CNTN5: variants seen among roughly 807,000 people sequenced by gnomAD.
CNTN5 encodes the protein contactin-5.
Under a neutral mutation model 129.1 loss-of-function variants are expected in CNTN5, and 77 were observed. That is an observed-to-expected ratio of 0.60 (90% confidence interval 0.50 to 0.72). The LOEUF (loss-of-function observed/expected upper bound fraction) is 0.72, where lower values mean the gene tolerates loss of function less well. Ranked by LOEUF, CNTN5 falls within the 30% of genes least tolerant of loss-of-function variation. The pLI is 0.00. For synonymous variants in CNTN5, 509 were observed against 465.6 expected, an observed-to-expected ratio of 1.09 and a Z score of -1.20; for missense variants, 1,478 against 1,328.8, an observed-to-expected ratio of 1.11 and a Z score of -1.75.
At chr11:100,115,887 G>A (rs985748378) in intron 13 of CNTN5, among the ~76,000 whole-genome samples, 1 of 152,094 alleles carries the variant, frequency 6.6e-6, no homozygotes. Flanking sequence ...AGTGAGGTGT[G>A]CATGAAAGAA....
At chr11:99,806,178 C>G (rs1271359826) in intron 3 of CNTN5, among the ~76,000 whole-genome samples, 1 of 152,122 alleles carries the variant, frequency 6.6e-6, no homozygotes, top group African/African-American at 2.4e-5. Context: ...CACTGACTTT[C>G]TCCCTCCAAT....
At chr11:99,124,442 G>T (rs965815609) in intron 1 of CNTN5, among the ~76,000 whole-genome samples, 14 of 151,930 alleles carry the variant, frequency 9.2e-5, no homozygotes, top group African/African-American at 3.4e-4. Context: ...AGACTATGGG[G>T]TTTCTGTGTG....
intron 3 of CNTN5, among the ~76,000 whole-genome samples, chr11:99,782,456 TC>T (rs1010941204): frequency 6.0e-5 from 9 of 150,814 alleles, no homozygotes; most frequent in Non-Finnish European, 1.2e-4. Context: ...ATGCCTTTCT[TC>T]ACAGAATTGG....
chr11:100,093,447 T>TA (rs994339968), intron 13 of CNTN5, among the ~76,000 whole-genome samples: 29 of 151,958 alleles, frequency 1.9e-4, no homozygotes, highest in African/African-American at 6.8e-4. Context: ...ATTTTTTTTT[T>TA]ATACAGATGA....
At chr11:100,092,068 A>C (rs1324112236) in intron 13 of CNTN5, among the ~76,000 whole-genome samples, 1 of 151,846 alleles carries the variant, frequency 6.6e-6, no homozygotes, top group Non-Finnish European at 1.5e-5. Flanking sequence ...GACTACTTTC[A>C]TATTACTCAG....
intron 1 of CNTN5, among the ~76,000 whole-genome samples, chr11:99,032,816 G>T (rs1467473575): frequency 6.8e-6 from 1 of 147,506 alleles, no homozygotes; most frequent in Non-Finnish European, 1.5e-5. Context: ...CATTGCTTTT[G>T]GTGTTTTAGA....
At position 99,579,685 on chromosome 11, in the gene CNTN5, C is replaced by A. The variant is rs1313801223; in HGVS notation, c.55+23416C>A. On this transcript the variant is annotated intron_variant, in intron 3 of 24. Transcript: ENST00000524871. Reference sequence around the variant, plus strand: ...TGATTTTTGCACATTGATTTTGTATCCTGAGACTTTGCTGAAGTTGCTTAT... The same window carrying A: ...TGATTTTTGCACATTGATTTTGTATACTGAGACTTTGCTGAAGTTGCTTAT... 4.4e-5 allele frequency among the ~76,000 whole-genome samples: 6 copies of A among 136,954 alleles called. No homozygotes were observed. In the Admixed American group the frequency reaches 4.5e-4, roughly 10 times the overall value. 89.8% of individuals were successfully genotyped at this position (136,954 alleles called of 152,430 possible).
chr11:99,206,122 T>C (rs1259054446), intron 1 of CNTN5, among the ~76,000 whole-genome samples: 1 of 152,192 alleles, frequency 6.6e-6, no homozygotes, highest in African/African-American at 2.4e-5. Context: ...TTCCTAGAAA[T>C]GTCCTGTGTT....
chr11:100,109,725 C>T (rs961724803), intron 13 of CNTN5, among the ~76,000 whole-genome samples: 2 of 152,008 alleles, frequency 1.3e-5, no homozygotes, highest in Non-Finnish European at 2.9e-5. Flanking sequence ...ACGATTATGC[C>T]GATAATTGTT....
intron 3 of CNTN5, among the ~76,000 whole-genome samples, chr11:99,613,290 G>T (rs1165982944): frequency 6.6e-6 from 1 of 152,138 alleles, no homozygotes; most frequent in Non-Finnish European, 1.5e-5. Flanking sequence ...GCTCTCATGA[G>T]ATCTGATGGT....
chr11:99,596,435 C>T (rs895479171), intron 3 of CNTN5, among the ~76,000 whole-genome samples: 2 of 152,120 alleles, frequency 1.3e-5, no homozygotes, highest in Non-Finnish European at 2.9e-5. Context: ...GCTACTATCT[C>T]TTATGTGAAT....
chr11:99,796,668 C>T (rs749371900), intron 3 of CNTN5, among the ~76,000 whole-genome samples: 1 of 151,938 alleles, frequency 6.6e-6, no homozygotes, highest in African/African-American at 2.4e-5. Flanking sequence ...TAGAACTGGT[C>T]CTATCTCGGG....
intron 3 of CNTN5, among the ~76,000 whole-genome samples, chr11:99,557,268 T>C (rs1212648166): frequency 6.6e-6 from 1 of 151,306 alleles, no homozygotes; most frequent in Non-Finnish European, 1.5e-5. Flanking sequence ...CATTTATACA[T>C]ATATATGAGG....
intron 7 of CNTN5, among the ~76,000 whole-genome samples, chr11:99,917,952 T>C (rs1447922842): frequency 1.3e-5 from 2 of 152,108 alleles, no homozygotes; most frequent in Non-Finnish European, 2.9e-5. Context: ...ACTCATCTGC[T>C]TGACCAAGGC....
At chr11:99,836,846 G>C (rs542241184) in intron 4 of CNTN5, among the ~76,000 whole-genome samples, 11 of 152,274 alleles carry the variant, frequency 7.2e-5, no homozygotes, top group Admixed American at 5.9e-4. Flanking sequence ...TAACTGGTGT[G>C]AGATGGTATC....
chr11:100,306,501 A>G (rs1276690643), intron 20 of CNTN5, among the ~76,000 whole-genome samples: 3 of 151,724 alleles, frequency 2.0e-5, no homozygotes, highest in Non-Finnish European at 4.4e-5. Context: ...TTGGCACACA[A>G]ATCTCTGTAA....
intron 13 of CNTN5, among the ~76,000 whole-genome samples, chr11:100,119,090 C>T (rs2138153309): frequency 6.6e-6 from 1 of 151,596 alleles, no homozygotes; most frequent in Non-Finnish European, 1.5e-5. Context: ...GAATGTCACT[C>T]ACCAAGGAAC....
intron 2 of CNTN5, among the ~76,000 whole-genome samples, chr11:99,439,551 T>C (rs1170431333): frequency 6.6e-6 from 1 of 150,848 alleles, no homozygotes; most frequent in East Asian, 2.0e-4. Flanking sequence ...CTACTGAAAA[T>C]ACAAAAATTA....
chr11:99,756,913 G>T (rs1380631193), intron 3 of CNTN5, among the ~76,000 whole-genome samples: 28 of 143,146 alleles, frequency 2.0e-4, no homozygotes, highest in African/African-American at 4.8e-4. Flanking sequence ...ACAATAGAGG[G>T]TTTTTTTTTT....
Sources: gnomAD v4.1 joint callset for allele counts (sites outside exome capture counted in the v4.1 genomes callset) on GRCh38, gnomAD v4.1.1 for gene constraint, MANE v1.5 for transcripts, NCBI Gene and HGNC (gene_info 2026-07-23, HGNC 2026-07-21) for gene names.